The following PKHD1 variants were observed in gnomAD, a reference collection of about 807,000 sequenced individuals.
PKHD1 encodes the protein PKHD1 ciliary IPT domain containing fibrocystin/polyductin.
A neutral mutation model predicts 412.0 loss-of-function variants in PKHD1; 291 were observed. The observed-to-expected ratio is 0.71, with a 90% CI of 0.64 to 0.78. The LOEUF is 0.78. PKHD1 is among the 30% of genes least tolerant of loss of function. The probability of loss-of-function intolerance (pLI) is 0.00; values close to 1 mark genes in which losing one functional copy is unlikely to be tolerated. For missense variants in PKHD1, 4,825 were observed against 4,950.7 expected (o/e 0.97, Z 0.76); for synonymous variants, 1,777 against 1,821.5 (o/e 0.98, Z 0.62).
chr6:51,939,282 G>A (rs907476625), intron 36 of PKHD1, among the ~76,000 whole-genome samples: 3 of 149,402 alleles, frequency 2.0e-5, no homozygotes, highest in Admixed American at 1.3e-4. Flanking sequence ...GGGCAAGAAC[G>A]CCCAGACCCC....
intron 32 of PKHD1, 78 bp from the exon 33 acceptor site, chr6:52,023,022 G>A: frequency 2.0e-6 from 3 of 1,508,478 alleles, no homozygotes; most frequent in Non-Finnish European, 2.8e-6. Context: ...TCAAACATTT[G>A]CTTCCTCACT....
rs147690050 is a variant in PKHD1 at position 52,049,402 on chromosome 6, A to G, written c.2279+755T>C. ...TATTTGGTCCATCACCGACAGATAC[A>G]TTGTTATGTGGTGCATGACTGTATA... On this transcript the variant is annotated intron_variant, in intron 22 of 66. Transcript: ENST00000371117. 3.9e-3 allele frequency among the ~76,000 whole-genome samples: 600 copies of G among 152,352 alleles called. 4 individuals are homozygous for G. The highest frequency in any genetic ancestry group is 0.013 in the African/African-American group (556 of 41,576).
At chr6:51,814,800 G>A (rs1402315111) in intron 52 of PKHD1, among the ~76,000 whole-genome samples, 1 of 152,184 alleles carries the variant, frequency 6.6e-6, no homozygotes, top group Non-Finnish European at 1.5e-5. Flanking sequence ...GGAAATGAGA[G>A]GTGCCTACTG....
At position 51,889,962 on chromosome 6, in the gene PKHD1, C is replaced by T. The variant is rs1778849004; in HGVS notation, c.6997-2717G>A. On this transcript the variant is annotated intron_variant, in intron 43 of 66. Coordinates refer to ENST00000371117, the MANE Select transcript of PKHD1 (RefSeq NM_138694.4). The stretch of plus-strand genomic sequence containing the variant: ...TGCCAGGTACCCAGCAAAAATGCTG[C>T]CCAGCTCAGTGCAAGTTATATTTAT... 1.3e-5 allele frequency among the ~76,000 whole-genome samples: 2 copies of T among 151,976 alleles called. 1 individual carries two copies. Among genetic ancestry groups the T allele is most frequent in the African/African-American group, 4.8e-5 (2 of 41,350 alleles).
chr6:51,813,316 T>C (rs1275913605), intron 52 of PKHD1, among the ~76,000 whole-genome samples: 2 of 152,214 alleles, frequency 1.3e-5, no homozygotes, highest in African/African-American at 4.8e-5. Flanking sequence ...AATAAATATT[T>C]AATACTGTGC....
chr6:51,881,024 G>C (rs1271074680), intron 46 of PKHD1, among the ~76,000 whole-genome samples: 1 of 148,530 alleles, frequency 6.7e-6, no homozygotes, highest in Admixed American at 6.7e-5. Context: ...AAAGACAGAG[G>C]CTAAAATCAG....
intron 35 of PKHD1, among the ~76,000 whole-genome samples, chr6:51,997,720 G>A (rs1294404170): frequency 6.6e-6 from 1 of 152,178 alleles, no homozygotes. Flanking sequence ...ATCCCACAGA[G>A]GATCTTCAGG....
At chr6:51,721,666 C>A (rs1781942262) in intron 60 of PKHD1, 1 of 1,215,272 alleles carries the variant, frequency 8.2e-7, no homozygotes, top group Non-Finnish European at 1.0e-6. Flanking sequence ...TCCCCCATAT[C>A]TGCTACTGGA....
At chr6:51,687,141 C>T (rs1333658336) in intron 60 of PKHD1, among the ~76,000 whole-genome samples, 1 of 152,048 alleles carries the variant, frequency 6.6e-6, no homozygotes, top group Admixed American at 6.6e-5. Flanking sequence ...TAGTACCCTT[C>T]CTTCACAGAG....
chr6:51,835,846 C>T (rs193160047), intron 51 of PKHD1, among the ~76,000 whole-genome samples: 4 of 152,150 alleles, frequency 2.6e-5, no homozygotes, highest in Admixed American at 6.6e-5. Context: ...GAAATCTCTG[C>T]GTTTGAAAAG....
At chr6:51,721,341 T>G in intron 60 of PKHD1, 3 of 614,728 alleles carry the variant, frequency 4.9e-6, no homozygotes, top group Non-Finnish European at 6.1e-6. Context: ...ATATTAGTAT[T>G]AGTATATTAT....
At chr6:51,687,437 T>C (rs1777585030) in intron 60 of PKHD1, among the ~76,000 whole-genome samples, 1 of 152,234 alleles carries the variant, frequency 6.6e-6, no homozygotes, top group South Asian at 2.1e-4. Context: ...AGATAATTCC[T>C]GTATTTCTAT....
At position 51,772,682 on chromosome 6, in the gene PKHD1, A is replaced by G; in HGVS notation, c.8642+20T>C. ...TAAACAACAACCAAGAAAAAGCCCT[A>G]AGTTACTCTCATTCCTTACCTCTCA... On this transcript the variant is annotated intron_variant, in intron 55 of 66. Transcript: ENST00000371117. 1.5e-6 allele frequency: 2 copies of G among 1,308,816 alleles called. No individual in the cohort carries two copies. Among genetic ancestry groups the G allele is most frequent in the Non-Finnish European group, 2.2e-6 (2 of 908,144 alleles). The allele number at this position is 1,308,816 out of a possible 1,614,324, so 81.1% of individuals were successfully genotyped here.
intron 35 of PKHD1, among the ~76,000 whole-genome samples, chr6:51,992,260 C>A (rs1583767143): frequency 6.6e-6 from 1 of 152,216 alleles, no homozygotes; most frequent in African/African-American, 2.4e-5. Flanking sequence ...TAGTTCTTTA[C>A]AATAAAATAC....
At chr6:51,860,543 T>C (rs1247482893) in intron 48 of PKHD1, among the ~76,000 whole-genome samples, 1 of 152,190 alleles carries the variant, frequency 6.6e-6, no homozygotes, top group Non-Finnish European at 1.5e-5. Context: ...TATTTCTAAT[T>C]TGGAGGAGCC....
intron 35 of PKHD1, among the ~76,000 whole-genome samples, chr6:51,978,285 G>A (rs1794716083): frequency 6.6e-6 from 1 of 152,110 alleles, no homozygotes. Flanking sequence ...AATTATATTG[G>A]ACTGAATTGG....
chr6:51,762,342 C>G (rs1231548709), intron 55 of PKHD1, among the ~76,000 whole-genome samples: 1 of 152,010 alleles, frequency 6.6e-6, no homozygotes, highest in African/African-American at 2.4e-5. Flanking sequence ...CAAAGACTCA[C>G]AGCAAAAGAT....
At position 51,922,390 on chromosome 6, in the gene PKHD1, G is replaced by T. The variant is rs1436223330; in HGVS notation, c.6122-9814C>A. On this transcript the variant is annotated intron_variant, in intron 37 of 66. Coordinates refer to ENST00000371117, the MANE Select transcript of PKHD1 (RefSeq NM_138694.4). ...CTACTGGGAGGTGTCTCCCATTTAG[G>T]CTACTCAGGGTCAGGGACCCACTTG... 1.9e-4 allele frequency among the ~76,000 whole-genome samples: 29 copies of T among 152,346 alleles called. No homozygotes were observed. The East Asian group carries it at 4.8e-3, about 25-fold the overall frequency.
At chr6:51,828,407 G>A (rs1767690972) in intron 52 of PKHD1, among the ~76,000 whole-genome samples, 1 of 152,058 alleles carries the variant, frequency 6.6e-6, no homozygotes, top group Admixed American at 6.6e-5. Flanking sequence ...AAAATACTTA[G>A]TATGGTGCAT....
Sources: gnomAD v4.1 joint callset for allele counts (sites outside exome capture counted in the v4.1 genomes callset) on GRCh38, gnomAD v4.1.1 for gene constraint, MANE v1.5 for transcripts, NCBI Gene and HGNC (gene_info 2026-07-23, HGNC 2026-07-21) for gene names.